Variants in MICU1 observed in about 807,000 individuals in gnomAD.
MICU1 encodes the protein mitochondrial calcium uptake 1.
A neutral mutation model predicts 56.8 loss-of-function variants in MICU1; 45 were observed. The observed-to-expected ratio is 0.79, with a 90% CI of 0.62 to 1.02. The LOEUF (loss-of-function observed/expected upper bound fraction) is 1.02. Ranked by LOEUF, MICU1 falls within the 50% of genes least tolerant of loss-of-function variation. The pLI is 0.00. For synonymous variants in MICU1, 186 were observed against 195.1 expected, an observed-to-expected ratio of 0.95 and a Z score of 0.39; for missense variants, 504 against 587.1, an observed-to-expected ratio of 0.86 and a Z score of 1.46.
At chr10:72,433,252 A>AT (rs544203576) in intron 8 of MICU1, among the ~76,000 whole-genome samples, 1 of 148,134 alleles carries the variant, frequency 6.8e-6, no homozygotes, top group South Asian at 2.1e-4. Context: ...TTTCTTCGCA[A>AT]TTTTTTTTTG....
chr10:72,369,501 C>A (rs746046464), intron 11 of MICU1, among the ~76,000 whole-genome samples: 2 of 152,086 alleles, frequency 1.3e-5, no homozygotes, highest in Non-Finnish European at 2.9e-5. Context: ...GAAGGCGGCA[C>A]ACCTGGAATA....
intron 5 of MICU1, among the ~76,000 whole-genome samples, chr10:72,528,228 A>T (rs974164640): frequency 6.6e-6 from 1 of 152,196 alleles, no homozygotes; most frequent in African/African-American, 2.4e-5. Flanking sequence ...GTAACATGTG[A>T]CTTTGAAATA....
intron 3 of MICU1, 79 bp downstream of exon 3, chr10:72,562,816 C>T: frequency 8.3e-7 from 1 of 1,207,072 alleles, no homozygotes; most frequent in South Asian, 2.2e-5. Flanking sequence ...CCATCTGAAA[C>T]ATATGATTAA....
intron 11 of MICU1, among the ~76,000 whole-genome samples, 194 bp from the exon 12 acceptor site, chr10:72,368,549 T>A (rs1282373121): frequency 2.6e-5 from 4 of 152,182 alleles, no homozygotes. Context: ...GACAGTTCAG[T>A]GTAGTGTGAC....
chr10:72,518,086 G>A (rs114522498), intron 5 of MICU1, among the ~76,000 whole-genome samples: 367 of 150,932 alleles, frequency 2.4e-3, no homozygotes, highest in African/African-American at 8.8e-3. Context: ...AGGCTTGGGT[G>A]CAATGGTGAG....
chr10:72,489,329 T>TAA (rs80216178), intron 6 of MICU1, among the ~76,000 whole-genome samples: 2 of 134,010 alleles, frequency 1.5e-5, no homozygotes, highest in African/African-American at 5.3e-5. Context: ...CACACAAAAA[T>TAA]AAAAAAAAAA....
chr10:72,437,270 C>A (rs183128267), intron 8 of MICU1, among the ~76,000 whole-genome samples: 10 of 152,178 alleles, frequency 6.6e-5, no homozygotes, highest in African/African-American at 2.4e-4. Flanking sequence ...AGAATTTAAC[C>A]CAGAATTTCA....
chr10:72,368,922 C>A (rs762262013), intron 11 of MICU1, among the ~76,000 whole-genome samples: 9 of 152,066 alleles, frequency 5.9e-5, no homozygotes, highest in Non-Finnish European at 1.2e-4. Context: ...CAGGGAACTG[C>A]AAGTAGGCAG....
chr10:72,413,417 G>GA (rs1410296000), intron 9 of MICU1, among the ~76,000 whole-genome samples: 6 of 152,078 alleles, frequency 3.9e-5, no homozygotes, highest in African/African-American at 1.4e-4. Context: ...GAAAATGCTT[G>GA]AAAATCATAT....
chr10:72,501,533 T>C (rs972190454), intron 6 of MICU1, among the ~76,000 whole-genome samples: 49 of 152,068 alleles, frequency 3.2e-4, no homozygotes, highest in African/African-American at 1.1e-3. Context: ...GTGAATATCA[T>C]TACAAATTTA....
At chr10:72,422,431 C>A (rs1864205568) in intron 9 of MICU1, among the ~76,000 whole-genome samples, 3 of 152,210 alleles carry the variant, frequency 2.0e-5, no homozygotes, top group Non-Finnish European at 4.4e-5. Context: ...TAATACACTG[C>A]CTTGGAATTT....
chr10:72,590,072 A>T (rs958347222), intron 1 of MICU1, among the ~76,000 whole-genome samples: 1 of 152,148 alleles, frequency 6.6e-6, no homozygotes, highest in African/African-American at 2.4e-5. Flanking sequence ...TACTTTAAAT[A>T]TAAATGGATC....
rs79717184 is a variant in MICU1 at position 72,561,185 on chromosome 10, C to G, written c.330+1710G>C. 4.1e-3 allele frequency among the ~76,000 whole-genome samples: 623 copies of G among 152,298 alleles called. 31 individuals are homozygous for G. The East Asian group carries it at 0.11, about 27-fold the overall frequency. ...TATAAGGGTTGGAATTTGAGTAAAT[C>G]ACACAGATAGCTTTAATTTTTTCTA... is the stretch of plus-strand genomic sequence containing the variant. On this transcript the variant is annotated intron_variant, in intron 3 of 11. Transcript: ENST00000361114.
chr10:72,468,495 G>A (rs1425906999), intron 8 of MICU1, among the ~76,000 whole-genome samples: 3 of 151,884 alleles, frequency 2.0e-5, no homozygotes, highest in African/African-American at 7.3e-5. Context: ...ATAGTTCTCA[G>A]TAGCCTTAGA....
chr10:72,405,344 T>G (rs1227385488), intron 10 of MICU1, among the ~76,000 whole-genome samples: 1 of 152,014 alleles, frequency 6.6e-6, no homozygotes, highest in Non-Finnish European at 1.5e-5. Flanking sequence ...CTCAGCCTCC[T>G]GAGTAGCTGG....
At chr10:72,510,868 G>GAA in intron 5 of MICU1, among the ~76,000 whole-genome samples, 1 of 152,116 alleles carries the variant, frequency 6.6e-6, no homozygotes, top group Non-Finnish European at 1.5e-5. Context: ...CTGGCCTCAG[G>GAA]TAATCCACCC....
intron 8 of MICU1, among the ~76,000 whole-genome samples, chr10:72,453,650 C>T (rs1865364678): frequency 6.6e-6 from 1 of 151,982 alleles, no homozygotes; most frequent in African/African-American, 2.4e-5. Flanking sequence ...CTGCCTCAGC[C>T]TCCCAAGTAG....
chr10:72,393,542 G>A (rs1219733627), intron 10 of MICU1, among the ~76,000 whole-genome samples: 1 of 152,136 alleles, frequency 6.6e-6, no homozygotes, highest in Non-Finnish European at 1.5e-5. Flanking sequence ...GTGGAGTGGA[G>A]TGAACTGGGA....
chr10:72,500,257 CATACATATATATAT>C lies in MICU1; in HGVS notation c.652+7884_652+7897del, dbSNP rs1302713443. On this transcript the variant is annotated intron_variant, in intron 6 of 11. Coordinates refer to ENST00000361114, the MANE Select transcript of MICU1 (RefSeq NM_001195518.2). The stretch of plus-strand genomic sequence containing the variant: ...TGATAAACTATTATATACATACATA[CATACATATATATAT>C]ATATATATATATATATATATATATA... Among the ~76,000 whole-genome samples the C allele has an allele frequency of 3.3e-3, 158 of 47,784 alleles. 5 individuals carry two copies. The highest frequency in any genetic ancestry group is 0.011 in the African/African-American group (145 of 13,238). 31.3% of individuals were successfully genotyped at this position (47,784 alleles called of 152,430 possible).
Sources: gnomAD v4.1 joint callset for allele counts (sites outside exome capture counted in the v4.1 genomes callset) on GRCh38, gnomAD v4.1.1 for gene constraint, MANE v1.5 for transcripts, NCBI Gene and HGNC (gene_info 2026-07-23, HGNC 2026-07-21) for gene names.